RBFOX3: variants seen among roughly 807,000 people sequenced by gnomAD.
RBFOX3 encodes RNA binding fox-1 homolog 3, also known as RNA binding protein fox-1 homolog 3.
Under a neutral mutation model 48.7 loss-of-function variants are expected in RBFOX3, and 17 were observed. The ratio of observed to expected loss-of-function variants is 0.35; its 90% CI spans 0.24 to 0.52. The LOEUF (loss-of-function observed/expected upper bound fraction) is 0.52, where lower values mean the gene tolerates loss of function less well. RBFOX3 is among the 20% of genes least tolerant of loss of function. The pLI is 0.94. For synonymous variants in RBFOX3, 212 were observed against 209.5 expected, an observed-to-expected ratio of 1.01 and a Z score of -0.10; for missense variants, 382 against 497.5, an observed-to-expected ratio of 0.77 and a Z score of 2.21.
At chr17:79,577,730 C>T (rs926317742) in intron 1 of RBFOX3, among the ~76,000 whole-genome samples, 64 of 152,226 alleles carry the variant, frequency 4.2e-4, no homozygotes, top group Admixed American at 1.3e-4. Context: ...AGCAGGTTGT[C>T]AACCCACCTC....
intron 2 of RBFOX3, among the ~76,000 whole-genome samples, chr17:79,347,634 C>T (rs1384999955): frequency 6.6e-6 from 1 of 152,128 alleles, no homozygotes; most frequent in Non-Finnish European, 1.5e-5. Context: ...GTTATTTATT[C>T]TAGTACTTTT....
intron 2 of RBFOX3, among the ~76,000 whole-genome samples, chr17:79,433,725 G>A (rs797037759): frequency 8.2e-5 from 12 of 146,854 alleles, no homozygotes; most frequent in African/African-American, 2.5e-4. Flanking sequence ...CAGACCCCAC[G>A]AGCAAGGTGC....
At chr17:79,338,955 C>A (rs1472570333) in intron 2 of RBFOX3, among the ~76,000 whole-genome samples, 3 of 152,068 alleles carry the variant, frequency 2.0e-5, no homozygotes, top group African/African-American at 7.2e-5. Context: ...GGGAAGGAGG[C>A]GGTTCTATAA....
At chr17:79,168,149 G>A (rs1382389624) in intron 4 of RBFOX3, among the ~76,000 whole-genome samples, 18 of 152,202 alleles carry the variant, frequency 1.2e-4, no homozygotes, top group Admixed American at 1.2e-3. Context: ...TCGTTCGGGA[G>A]GTCCATCCCT....
chr17:79,458,340 T>C (rs2074871326), intron 2 of RBFOX3, among the ~76,000 whole-genome samples: 1 of 152,040 alleles, frequency 6.6e-6, no homozygotes, highest in African/African-American at 2.4e-5. Flanking sequence ...TTCACTCAGC[T>C]CCCCGCAATG....
chr17:79,584,856 C>G (rs2093193305), intron 1 of RBFOX3, among the ~76,000 whole-genome samples: 1 of 152,080 alleles, frequency 6.6e-6, no homozygotes, highest in Non-Finnish European at 1.5e-5. Flanking sequence ...AGCTCCACCT[C>G]CCGGGTTCAC....
In RBFOX3 at chr17:79,479,778, TGGAG is replaced by T. The variant is rs1373359979; in HGVS notation, c.-175+2672_-175+2675del. Reference sequence around the variant, plus strand: ...AGGCTGGGCCCCGCAACCTCCTTCTTGGAGGCAGCAGGAAGTGGCATTTTCAGAG... The same window carrying T: ...AGGCTGGGCCCCGCAACCTCCTTCTTGCAGCAGGAAGTGGCATTTTCAGAG... On this transcript the variant is annotated intron_variant, in intron 2 of 14. Coordinates refer to ENST00000693108, the MANE Select transcript of RBFOX3 (RefSeq NM_001350451.2). This position sits in a 1 kb window ranked among gnomAD's most constrained non-coding sequence, Gnocchi z 5.1. Among the ~76,000 whole-genome samples the T allele has an allele frequency of 1.3e-5, 2 of 152,074 alleles. No homozygotes were observed. Among genetic ancestry groups the T allele is most frequent in the Non-Finnish European group, 2.9e-5 (2 of 68,002 alleles).
Position 79,473,126 on chromosome 17 carries a change from C to G in RBFOX3, c.-175+9328G>C, listed in dbSNP as rs2077249887. 6.6e-6 allele frequency among the ~76,000 whole-genome samples: 1 copy of G among 152,184 alleles called. No homozygotes were observed. Among genetic ancestry groups the G allele is most frequent in the Non-Finnish European group, 1.5e-5 (1 of 68,036 alleles). On this transcript the variant is annotated intron_variant, in intron 2 of 14. Coordinates refer to ENST00000693108, the MANE Select transcript of RBFOX3 (RefSeq NM_001350451.2). The surrounding 1 kb of genome is among the most constrained non-coding windows in gnomAD (Gnocchi z 4.2). ...CCAGGTTCTTAACGATTAGACTCAT[C>G]AGACCTAAAACGACTCCTTCAAATG...
intron 1 of RBFOX3, among the ~76,000 whole-genome samples, chr17:79,575,590 G>A (rs2092831480): frequency 6.6e-6 from 1 of 152,188 alleles, no homozygotes; most frequent in Non-Finnish European, 1.5e-5. Context: ...GAAGTGCACA[G>A]GAAGAAGAAG....
At chr17:79,179,665 C>A (rs987758492) in intron 4 of RBFOX3, among the ~76,000 whole-genome samples, 1 of 152,186 alleles carries the variant, frequency 6.6e-6, no homozygotes, top group Middle Eastern at 3.2e-3. Flanking sequence ...AAGTAATTAC[C>A]GTGACAAAAT....
intron 2 of RBFOX3, among the ~76,000 whole-genome samples, chr17:79,435,065 GC>G (rs1407740935): frequency 6.6e-6 from 1 of 152,202 alleles, no homozygotes; most frequent in Non-Finnish European, 1.5e-5. Context: ...GATTTTTGTG[GC>G]CCCCAAAGCC....
At chr17:79,201,588 G>C (rs1031935398) in intron 4 of RBFOX3, among the ~76,000 whole-genome samples, 1 of 152,218 alleles carries the variant, frequency 6.6e-6, no homozygotes, top group Admixed American at 6.5e-5. Context: ...CTCAGGAGGG[G>C]ACTGTTCACG....
At chr17:79,606,526 G>A (rs2042043013) in intron 1 of RBFOX3, among the ~76,000 whole-genome samples, 1 of 152,116 alleles carries the variant, frequency 6.6e-6, no homozygotes, top group Admixed American at 6.5e-5. Flanking sequence ...TAAACTAACA[G>A]ACTTTATACT....
chr17:79,394,577 C>G (rs1302401726), intron 2 of RBFOX3, among the ~76,000 whole-genome samples: 4 of 152,250 alleles, frequency 2.6e-5, no homozygotes, highest in African/African-American at 4.8e-5. Context: ...GCAGCACGCA[C>G]AGTCCTCCCA....
intron 4 of RBFOX3, among the ~76,000 whole-genome samples, chr17:79,144,523 C>T (rs1460684025): frequency 1.3e-5 from 2 of 152,090 alleles, no homozygotes; most frequent in Non-Finnish European, 1.5e-5. Context: ...GCATGCTCTG[C>T]GCCCCACTGC....
At chr17:79,350,423 A>ACT (rs1169074206) in intron 2 of RBFOX3, among the ~76,000 whole-genome samples, 5 of 152,210 alleles carry the variant, frequency 3.3e-5, no homozygotes, top group African/African-American at 1.2e-4. Flanking sequence ...ACATCCTGTG[A>ACT]CTATAGGTTC....
intron 4 of RBFOX3, among the ~76,000 whole-genome samples, chr17:79,182,091 C>T (rs1599847466): frequency 6.6e-6 from 1 of 152,272 alleles, no homozygotes; most frequent in African/African-American, 2.4e-5. Context: ...TTGGCCTGGC[C>T]TGGCCAAGTT....
rs914866737 is a variant in RBFOX3 at position 79,254,894 on chromosome 17, G to A, written c.-73-19089C>T. On this transcript the variant is annotated intron_variant, in intron 3 of 14. Coordinates refer to ENST00000693108, the MANE Select transcript of RBFOX3 (RefSeq NM_001350451.2). The surrounding 1 kb of genome is among the most constrained non-coding windows in gnomAD (Gnocchi z 4.8). ...TAAGGACAACGTGGGGCTTCAGGCTGACATGCTGGGATTGGCAACACCCCA... is the reference window on the plus strand; with the variant it reads ...TAAGGACAACGTGGGGCTTCAGGCTAACATGCTGGGATTGGCAACACCCCA... Among the ~76,000 whole-genome samples the A allele has an allele frequency of 2.2e-4, 33 of 152,152 alleles. 1 individual carries two copies. The highest frequency in any genetic ancestry group is 2.0e-4 in the Admixed American group (3 of 15,280).
At chr17:79,420,235 T>C (rs1245387674) in intron 2 of RBFOX3, among the ~76,000 whole-genome samples, 17 of 151,278 alleles carry the variant, frequency 1.1e-4, no homozygotes, top group Admixed American at 1.1e-3. Context: ...AAACACAAAT[T>C]GGCTGGTGAG....
Sources: gnomAD v4.1 joint callset for allele counts (sites outside exome capture counted in the v4.1 genomes callset) on GRCh38, gnomAD v4.1.1 for gene constraint, Gnocchi (gnomAD v3.1) non-coding constraint, MANE v1.5 for transcripts, NCBI Gene and HGNC (gene_info 2026-07-23, HGNC 2026-07-21) for gene names.